The following IL27RA variants were observed in gnomAD, a reference collection of about 807,000 sequenced individuals.
The protein encoded by IL27RA is interleukin 27 receptor subunit alpha.
IL27RA carries 61 observed loss-of-function variants against 80.8 expected under a neutral mutation model. The observed-to-expected ratio is 0.76, with a 90% CI of 0.61 to 0.93. The LOEUF (loss-of-function observed/expected upper bound fraction) is 0.93, where lower values mean the gene tolerates loss of function less well. Among genes scored for constraint, IL27RA ranks in the 40% least tolerant of loss-of-function variants. The pLI, the probability that IL27RA is intolerant of heterozygous loss-of-function variation, is 0.00. For missense variants in IL27RA, 735 were observed against 808.1 expected, an observed-to-expected ratio of 0.91 and a Z score of 1.10; for synonymous variants, 316 against 332.5, an observed-to-expected ratio of 0.95 and a Z score of 0.54.
chr19:14,040,538 T>C (rs982467095), intron 4 of IL27RA, among the ~76,000 whole-genome samples: 1 of 151,754 alleles, frequency 6.6e-6, no homozygotes, highest in Non-Finnish European at 1.5e-5. Context: ...AAAAATAATC[T>C]GACCAGGTGC....
rs753778054 is a variant in IL27RA at position 14,031,839 on chromosome 19, G to A, written c.-34G>A. 21 of 1,549,150 alleles carry A rather than the reference G, an allele frequency of 1.4e-5. 1 individual carries two copies. The East Asian group carries it at 4.0e-4, about 30-fold the overall frequency. On this transcript the variant is annotated 5_prime_UTR_variant, in exon 1 of 14. Coordinates refer to ENST00000263379, the MANE Select transcript of IL27RA (RefSeq NM_004843.4). ...CAGCGCGGCCGCGCGGACCCGGCAA[G>A]GCTGGGCCGGACTCGGGGCTCCCGA...
Position 14,046,488 on chromosome 19 carries a change from A to C in IL27RA, c.1011A>C (p.Leu337=). ...GCAGCATCGCTGGGAGCACGGAGCT[A>C]CTGGTGACCTGGCAACCGGGGCCTG... ...AVSSIAGSTE[L]LVTWQPGPGE... Residue 337 remains leucine (L), a synonymous_variant, in exon 8 of 14, where the codon CTA becomes CTC. Transcript: ENST00000263379. 1 of 1,614,140 alleles carries C rather than the reference A, an allele frequency of 6.2e-7. No individual in the cohort carries two copies. The highest frequency in any genetic ancestry group is 8.5e-7 in the Non-Finnish European group (1 of 1,180,028).
Position 14,046,499 on chromosome 19 carries a change from G to A in IL27RA, c.1022G>A (p.Trp341Ter), listed in dbSNP as rs1167438159. The A allele has an allele frequency of 1.9e-6, 3 of 1,614,126 alleles. No homozygotes were observed. Among genetic ancestry groups the A allele is most frequent in the Non-Finnish European group, 2.5e-6 (3 of 1,180,038 alleles). Residue 341 changes from tryptophan (W) to a stop codon, truncating the protein, a stop_gained, in exon 8 of 14, where the codon TGG (tryptophan) becomes TAG (stop). Transcript: ENST00000263379. LOFTEE classifies it high-confidence loss of function. ...IAGSTELLVT[W>*]QPGPGEPLEH... ...GGGAGCACGGAGCTACTGGTGACCTGGCAACCGGGGCCTGGGGAACCACTG... is the reference window on the plus strand; with the variant it reads ...GGGAGCACGGAGCTACTGGTGACCTAGCAACCGGGGCCTGGGGAACCACTG...
chr19:14,047,678 G>C (rs1314793872), intron 8 of IL27RA, among the ~76,000 whole-genome samples: 1 of 121,314 alleles, frequency 8.2e-6, no homozygotes, highest in African/African-American at 3.4e-5. Context: ...TTTTTTTTTG[G>C]AGTCTTGCTC....
At chr19:14,037,265 CT>C (rs59108452) in intron 2 of IL27RA, among the ~76,000 whole-genome samples, 1,991 of 144,770 alleles carry the variant, frequency 0.014, 13 homozygotes, top group South Asian at 0.017. Context: ...TTTATTTTTA[CT>C]TTTTTTTTTT....
In IL27RA at chr19:14,053,104, G is replaced by T. The variant is rs1247399163; in HGVS notation, c.*814G>T. 2.6e-5 allele frequency: 4 copies of T among 152,890 alleles called. No individual in the cohort carries two copies. The highest frequency in any genetic ancestry group is 9.7e-5 in the African/African-American group (4 of 41,446). 9.5% of individuals were successfully genotyped at this position (152,890 alleles called of 1,614,324 possible). On this transcript the variant is annotated 3_prime_UTR_variant, in exon 14 of 14. Coordinates refer to ENST00000263379, the MANE Select transcript of IL27RA (RefSeq NM_004843.4). ...GAACATAACACATGCCTATGATCCA[G>T]CTTTGGTCATACCCAAGGGGAAGGT... is the stretch of plus-strand genomic sequence containing the variant.
chr19:14,031,968 C>G lies in IL27RA; in HGVS notation c.96C>G (p.Pro32=), dbSNP rs764873120. ...LLWVLFQRTR[P]QGSAGPLQCY... is the part of the protein sequence containing the mutation. ...GGGTGCTTTTCCAGCGGACGCGTCC[C>G]CAGGGTGAGTGCTGGAGGGAGCTCG... The change falls in exon 1 of 14, where the codon CCC becomes CCG. Residue 32 remains proline, a synonymous_variant. Transcript: ENST00000263379. 9.9e-6 allele frequency: 16 copies of G among 1,609,250 alleles called. No individual in the cohort carries two copies. Among genetic ancestry groups the G allele is most frequent in the East Asian group, 2.2e-5 (1 of 44,632 alleles).
intron 6 of IL27RA, among the ~76,000 whole-genome samples, chr19:14,043,455 T>C (rs1054465273): frequency 6.6e-6 from 1 of 151,936 alleles, no homozygotes; most frequent in African/African-American, 2.4e-5. Context: ...AGTCTCGCTC[T>C]GTTGCCCAGG....
rs769438207 is a variant in IL27RA, at chr19:14,039,460, C to G, written c.219-48C>G. 7.0e-6 allele frequency: 11 copies of G among 1,569,738 alleles called. No individual in the cohort carries two copies. In the South Asian group the frequency reaches 1.3e-4, roughly 19 times the overall value. On this transcript the variant is annotated intron_variant, in intron 2 of 13. Transcript: ENST00000263379. The stretch of plus-strand genomic sequence containing the variant: ...TGGCACAAGGGTGGTTATCAGTGGC[C>G]CTGGCTCTAGCCGAGTGTGCATCTC...
intron 11 of IL27RA, among the ~76,000 whole-genome samples, chr19:14,051,098 C>A (rs1361897270): frequency 3.3e-5 from 5 of 151,312 alleles, no homozygotes; most frequent in South Asian, 2.1e-4. Context: ...AAAAATAAAA[C>A]AATTAGCTGG....
In IL27RA at chr19:14,051,984, G is replaced by T; in HGVS notation, c.1716+11G>T. 6.3e-7 allele frequency: 1 copy of T among 1,579,422 alleles called. No homozygotes were observed. Among genetic ancestry groups the T allele is most frequent in the East Asian group, 2.3e-5 (1 of 43,472 alleles). ...CAGCCCCACATGGAGGTGAGTCAAA[G>T]GGCCGGCTAGTCGGAGCCCTCTGGG... is the stretch of plus-strand genomic sequence containing the variant. On this transcript the variant is annotated intron_variant, in intron 13 of 13. Transcript: ENST00000263379.
At chr19:14,032,321 G>A (rs1975830210) in intron 1 of IL27RA, 65 bp from the exon 2 acceptor site, 6 of 1,240,046 alleles carry the variant, frequency 4.8e-6, no homozygotes, top group South Asian at 2.5e-5. Flanking sequence ...TCCAAGTTCT[G>A]GGGTGTGCAG....
rs759392469 is a variant in IL27RA, at chr19:14,032,427, G to A, written c.142G>A (p.Gly48Ser). The change falls in exon 2 of 14, where the codon GGC becomes AGC. Residue 48 changes from glycine to serine, a missense_variant. Gly to Ser is a moderately conservative substitution (Grantham distance 56). Transcript: ENST00000263379. Reference protein sequence around the residue: ...PLQCYGVGPLGDLNCSWEPLG... With the variant: ...PLQCYGVGPLSDLNCSWEPLG... ...GCAGTGCTACGGAGTTGGACCCTTG[G>A]GCGACTTGAACTGCTCGTGGGAGCC... 2.5e-6 allele frequency: 4 copies of A among 1,613,854 alleles called. No individual in the cohort carries two copies. Among genetic ancestry groups the A allele is most frequent in the Non-Finnish European group, 3.4e-6 (4 of 1,179,946 alleles).
chr19:14,043,548 C>T (rs1209331342), intron 6 of IL27RA, among the ~76,000 whole-genome samples: 4 of 151,108 alleles, frequency 2.6e-5, no homozygotes, highest in African/African-American at 9.7e-5. Context: ...CTCAGCCTCC[C>T]AAGTAGCTGG....
At chr19:14,045,842 T>C (rs1976056473) in intron 6 of IL27RA, among the ~76,000 whole-genome samples, 1 of 150,516 alleles carries the variant, frequency 6.6e-6, no homozygotes, top group Non-Finnish European at 1.5e-5. Flanking sequence ...CTGGCCAACA[T>C]GGTGAAACCC....
In IL27RA at chr19:14,050,860, C is replaced by T; in HGVS notation, c.1505C>T (p.Pro502Leu). The change falls in exon 11 of 14, where the codon CCC becomes CTC. Residue 502 changes from proline (P) to leucine (L), a missense_variant. Pro to Leu is a moderately conservative substitution (Grantham distance 98). Coordinates refer to ENST00000263379, the MANE Select transcript of IL27RA (RefSeq NM_004843.4). ...STIAGQGPPG[P>L]ILRLHLPDNT... Reference sequence around the variant, plus strand: ...ATCGCTGGACAGGGCCCTCCTGGTCCCATCCTCCGGCTTCATCTACCAGGT... The same window carrying T: ...ATCGCTGGACAGGGCCCTCCTGGTCTCATCCTCCGGCTTCATCTACCAGGT... 1 of 1,611,304 alleles carries T rather than the reference C, an allele frequency of 6.2e-7. No homozygotes were observed. Among genetic ancestry groups the T allele is most frequent in the Non-Finnish European group, 8.5e-7 (1 of 1,177,978 alleles).
chr19:14,040,444 G>T (rs1975973592), intron 4 of IL27RA, among the ~76,000 whole-genome samples: 1 of 151,998 alleles, frequency 6.6e-6, no homozygotes, highest in Non-Finnish European at 1.5e-5. Flanking sequence ...CAGCACCTTG[G>T]GAGGCTGAGG....
At position 14,052,845 on chromosome 19, in the gene IL27RA, C is replaced by A. The variant is rs1389207930; in HGVS notation, c.*555C>A. On this transcript the variant is annotated 3_prime_UTR_variant, in exon 14 of 14. Coordinates refer to ENST00000263379, the MANE Select transcript of IL27RA (RefSeq NM_004843.4). ...AGGGACCTCTGATTGCACCACTGCA[C>A]TCCAGGCTGGGTAACAGAATGAGAC... is the stretch of plus-strand genomic sequence containing the variant. 6.6e-6 allele frequency: 1 copy of A among 151,358 alleles called. No homozygotes were observed. The highest frequency in any genetic ancestry group is 1.5e-5 in the Non-Finnish European group (1 of 68,052). The allele number at this position is 151,358 out of a possible 1,614,324, so 9.4% of individuals were successfully genotyped here. A position where few individuals can be genotyped will look rare whatever the true frequency, so the allele number is the denominator to read the frequency against.
intron 10 of IL27RA, among the ~76,000 whole-genome samples, chr19:14,049,667 C>T (rs545754194): frequency 5.9e-5 from 9 of 151,434 alleles, no homozygotes; most frequent in South Asian, 2.1e-4. Context: ...CTGCAACCTC[C>T]GCCTCCCAGG....
Sources: allele counts gnomAD v4.1 joint callset (sites outside exome capture counted in the v4.1 genomes callset), GRCh38; gene constraint gnomAD v4.1.1; transcripts MANE v1.5; gene names NCBI Gene and HGNC (gene_info 2026-07-23, HGNC 2026-07-21).